Variants in CDK6 observed in about 807,000 individuals in gnomAD.
CDK6 encodes the protein cyclin-dependent kinase 6.
CDK6 carries 6 observed loss-of-function variants against 37.1 expected under a neutral mutation model. That is an observed-to-expected ratio of 0.16 (90% CI 0.09 to 0.32). The LOEUF (loss-of-function observed/expected upper bound fraction) is 0.32, where lower values mean the gene tolerates loss of function less well. CDK6 is among the 10% of genes least tolerant of loss of function. The pLI, the probability that CDK6 is intolerant of heterozygous loss-of-function variation, is 1.00. For synonymous variants in CDK6, 160 were observed against 161.3 expected (o/e 0.99, Z 0.06); for missense variants, 224 against 418.9 (o/e 0.53, Z 4.06).
chr7:92,635,886 A>C (rs1161702349), intron 5 of CDK6, among the ~76,000 whole-genome samples: 1 of 152,198 alleles, frequency 6.6e-6, no homozygotes, highest in Non-Finnish European at 1.5e-5. Context: ...GGTGAGGACT[A>C]TGGCTGAGAA....
chr7:92,723,220 CAG>C (rs763579244), intron 4 of CDK6, among the ~76,000 whole-genome samples: 2 of 152,048 alleles, frequency 1.3e-5, no homozygotes, highest in Non-Finnish European at 2.9e-5. Context: ...ACTCTGGAAA[CAG>C]AGAGGAAAAA....
intron 4 of CDK6, among the ~76,000 whole-genome samples, chr7:92,673,945 T>G (rs1449878494): frequency 6.6e-6 from 1 of 151,700 alleles, no homozygotes; most frequent in Non-Finnish European, 1.5e-5. Context: ...ACCCGGCTAA[T>G]TTTTTTTGTA....
intron 4 of CDK6, among the ~76,000 whole-genome samples, chr7:92,707,056 G>T (rs1797985303): frequency 6.6e-6 from 1 of 152,088 alleles, no homozygotes; most frequent in Admixed American, 6.5e-5. Context: ...CTAAACTTTA[G>T]TAAAAGTGAT....
intron 3 of CDK6, among the ~76,000 whole-genome samples, chr7:92,743,051 C>T (rs557164443): frequency 3.4e-4 from 51 of 151,708 alleles, no homozygotes; most frequent in African/African-American, 1.2e-3. Flanking sequence ...TGCCCTTTCT[C>T]GGTGAAGAGA....
chr7:92,667,758 C>T (rs951791089), intron 5 of CDK6, among the ~76,000 whole-genome samples: 1 of 151,840 alleles, frequency 6.6e-6, no homozygotes, highest in Non-Finnish European at 1.5e-5. Flanking sequence ...CGCCATGTTA[C>T]CCAGGCTGGT....
rs900264824 is a variant in CDK6 at position 92,835,791 on chromosome 7, G to A, written c.-368+687C>T. On this transcript the variant is annotated intron_variant, in intron 1 of 7. Transcript: ENST00000424848. This position sits in a 1 kb window ranked among gnomAD's most constrained non-coding sequence, Gnocchi z 4.2. The stretch of plus-strand genomic sequence containing the variant: ...TATGCACACGGACGGGCGCGCTGCG[G>A]GGACCAGGGCTGCTCACTGCGGGGC... Among the ~76,000 whole-genome samples the A allele has an allele frequency of 2.6e-5, 4 of 152,340 alleles. No homozygotes were observed. In the South Asian group the frequency reaches 6.2e-4, roughly 24 times the overall value.
intron 3 of CDK6, among the ~76,000 whole-genome samples, chr7:92,746,154 C>T (rs541503947): frequency 6.6e-6 from 1 of 152,258 alleles, no homozygotes; most frequent in Admixed American, 6.5e-5. Flanking sequence ...GTCTATTCAG[C>T]CATCCCTCTA....
At chr7:92,818,436 A>G (rs192773961) in intron 2 of CDK6, among the ~76,000 whole-genome samples, 55 of 152,150 alleles carry the variant, frequency 3.6e-4, no homozygotes, top group Admixed American at 3.6e-3. Context: ...AGCCAAACAC[A>G]AAGACTTGAC....
At chr7:92,632,328 A>AG (rs1168633562) in intron 5 of CDK6, among the ~76,000 whole-genome samples, 1 of 152,224 alleles carries the variant, frequency 6.6e-6, no homozygotes. Context: ...GAAAAAAAGA[A>AG]GCTTTGCTCA....
chr7:92,804,986 T>C (rs903941789), intron 2 of CDK6, among the ~76,000 whole-genome samples: 4 of 152,200 alleles, frequency 2.6e-5, no homozygotes, highest in African/African-American at 9.6e-5. Flanking sequence ...AATTCTAGGT[T>C]CAAAGACTGA....
intron 4 of CDK6, among the ~76,000 whole-genome samples, chr7:92,721,553 A>C (rs1798364728): frequency 6.6e-6 from 1 of 152,228 alleles, no homozygotes; most frequent in South Asian, 2.1e-4. Context: ...GTATGGGTAC[A>C]TGTGCATACA....
intron 4 of CDK6, among the ~76,000 whole-genome samples, chr7:92,673,492 C>A (rs572564634): frequency 2.4e-4 from 37 of 152,296 alleles, no homozygotes; most frequent in Non-Finnish European, 4.3e-4. Flanking sequence ...ACTGACAATA[C>A]TGAAACAATG....
chr7:92,687,109 G>T (rs919875941), intron 4 of CDK6, among the ~76,000 whole-genome samples: 4 of 152,120 alleles, frequency 2.6e-5, no homozygotes, highest in African/African-American at 9.7e-5. Context: ...CTGACATATG[G>T]CAAAAATAGA....
At position 92,794,331 on chromosome 7, in the gene CDK6, C is replaced by T. The variant is rs146809569; in HGVS notation, c.234-19500G>A. On this transcript the variant is annotated intron_variant, in intron 2 of 7. Coordinates refer to ENST00000424848, the MANE Select transcript of CDK6 (RefSeq NM_001145306.2). The stretch of plus-strand genomic sequence containing the variant: ...TATAGAAGTTTAGTAAATTGCCCAG[C>T]ATCCTAAAGACTGTAAATGAGAGAG... 2.0e-3 allele frequency among the ~76,000 whole-genome samples: 301 copies of T among 152,202 alleles called. 1 individual carries two copies. Among genetic ancestry groups the T allele is most frequent in the African/African-American group, 6.9e-3 (288 of 41,540 alleles).
chr7:92,613,098 T>C lies in CDK6; in HGVS notation c.*2042A>G. Reference sequence around the variant, plus strand: ...TGTATGGCCCATCTCCTTTATTATCTTGCTCTAGAAAACAATGTTCCTGTT... The same window carrying C: ...TGTATGGCCCATCTCCTTTATTATCCTGCTCTAGAAAACAATGTTCCTGTT... On this transcript the variant is annotated 3_prime_UTR_variant, in exon 8 of 8. Coordinates refer to ENST00000424848, the MANE Select transcript of CDK6 (RefSeq NM_001145306.2). 4.3e-6 allele frequency: 1 copy of C among 233,058 alleles called. No individual in the cohort carries two copies. Among genetic ancestry groups the C allele is most frequent in the Non-Finnish European group, 8.5e-6 (1 of 117,990 alleles). 14.4% of individuals were successfully genotyped at this position (233,058 alleles called of 1,614,324 possible).
chr7:92,662,059 C>T (rs1421427745), intron 5 of CDK6, among the ~76,000 whole-genome samples: 4 of 152,012 alleles, frequency 2.6e-5, no homozygotes, highest in African/African-American at 9.7e-5. Flanking sequence ...GAGACAAGGG[C>T]ATGATTTGAC....
intron 2 of CDK6, 147 bp downstream of exon 2, chr7:92,832,939 AAACTT>A: frequency 3.2e-6 from 2 of 617,326 alleles, no homozygotes; most frequent in Non-Finnish European, 5.7e-6. Flanking sequence ...TCTGTCGACA[AAACTT>A]AACTCTCACT....
chr7:92,654,795 G>T (rs1796653473), intron 5 of CDK6, among the ~76,000 whole-genome samples: 1 of 152,048 alleles, frequency 6.6e-6, no homozygotes, highest in South Asian at 2.1e-4. Flanking sequence ...GGGGAATAAA[G>T]ATCTACCTAT....
chr7:92,704,546 T>G (rs1278409021), intron 4 of CDK6, among the ~76,000 whole-genome samples: 2 of 152,228 alleles, frequency 1.3e-5, no homozygotes, highest in Non-Finnish European at 2.9e-5. Flanking sequence ...TATACCTAAA[T>G]AATATTTAGA....
Sources: allele counts gnomAD v4.1 joint callset (sites outside exome capture counted in the v4.1 genomes callset), GRCh38; gene constraint gnomAD v4.1.1; non-coding constraint Gnocchi (gnomAD v3.1); transcripts MANE v1.5; gene names NCBI Gene and HGNC (gene_info 2026-07-23, HGNC 2026-07-21).